The following STXBP5L variants were observed in gnomAD, a reference collection of about 807,000 sequenced individuals.
STXBP5L encodes syntaxin-binding protein 5-like.
A neutral mutation model predicts 144.5 loss-of-function variants in STXBP5L; 65 were observed. The observed-to-expected ratio is 0.45, with a 90% CI of 0.37 to 0.55. STXBP5L has a LOEUF of 0.55. Ranked by LOEUF, STXBP5L falls within the 20% of genes least tolerant of loss-of-function variation. The probability of loss-of-function intolerance (pLI) is 0.00; values close to 1 mark genes in which losing one functional copy is unlikely to be tolerated. For synonymous variants in STXBP5L, 505 were observed against 469.6 expected (o/e 1.08, Z -0.97); for missense variants, 1,298 against 1,405.5 (o/e 0.92, Z 1.22).
intron 22 of STXBP5L, among the ~76,000 whole-genome samples, chr3:121,395,513 A>AT (rs1408329958): frequency 6.6e-6 from 1 of 152,176 alleles, no homozygotes; most frequent in African/African-American, 2.4e-5. Context: ...GTCAGGTTCC[A>AT]TTTTGTTTAC....
rs193059538 is a variant in STXBP5L at position 121,011,781 on chromosome 3, G to A, written c.288-29919G>A. On this transcript the variant is annotated intron_variant, in intron 3 of 26. Coordinates refer to ENST00000471454, the MANE Select transcript of STXBP5L (RefSeq NM_001308330.2). ...GTTATATCTTTTTTTTTGTTTTGTT[G>A]TTAAACTTTTTAAGCTGCTTTATTG... Among the ~76,000 whole-genome samples, 643 of 150,454 alleles carry A rather than the reference G, an allele frequency of 4.3e-3. 4 individuals are homozygous for A. Among genetic ancestry groups the A allele is most frequent in the African/African-American group, 0.015 (613 of 41,034 alleles).
chr3:121,199,649 A>G (rs1319650569), intron 9 of STXBP5L, among the ~76,000 whole-genome samples: 1 of 152,160 alleles, frequency 6.6e-6, no homozygotes, highest in Non-Finnish European at 1.5e-5. Flanking sequence ...ATTTTTACAT[A>G]TCTTCTATCA....
intron 19 of STXBP5L, among the ~76,000 whole-genome samples, chr3:121,307,673 A>T (rs529264458): frequency 2.0e-5 from 3 of 152,264 alleles, no homozygotes; most frequent in East Asian, 3.9e-4. Flanking sequence ...TCTCAGAGAA[A>T]CATGGGACAC....
At chr3:121,032,205 C>T (rs1946417642) in intron 3 of STXBP5L, among the ~76,000 whole-genome samples, 2 of 147,270 alleles carry the variant, frequency 1.4e-5, no homozygotes, top group Admixed American at 6.8e-5. Context: ...AATATATAAG[C>T]AGTAGAGAAA....
At chr3:120,992,513 T>G (rs938555620) in intron 3 of STXBP5L, among the ~76,000 whole-genome samples, 1 of 151,868 alleles carries the variant, frequency 6.6e-6, no homozygotes, top group African/African-American at 2.4e-5. Context: ...ATGAGATCAA[T>G]TTTTTTTATC....
intron 7 of STXBP5L, among the ~76,000 whole-genome samples, chr3:121,151,042 G>C (rs2045914494): frequency 6.6e-6 from 1 of 151,884 alleles, no homozygotes; most frequent in Non-Finnish European, 1.5e-5. Context: ...AGCAGAGATT[G>C]TGCCACTGCA....
At chr3:120,965,037 G>T (rs934743055) in intron 3 of STXBP5L, among the ~76,000 whole-genome samples, 9 of 152,022 alleles carry the variant, frequency 5.9e-5, no homozygotes, top group Admixed American at 3.3e-4. Context: ...GGCCTTCTTT[G>T]TCTCTTTTGA....
intron 4 of STXBP5L, among the ~76,000 whole-genome samples, 194 bp downstream of exon 4, chr3:121,041,975 G>T (rs1190300429): frequency 6.6e-6 from 1 of 151,986 alleles, no homozygotes; most frequent in Non-Finnish European, 1.5e-5. Context: ...AAAAAAGATT[G>T]TATATGCCAT....
At chr3:121,320,350 A>G (rs2043928866) in intron 20 of STXBP5L, among the ~76,000 whole-genome samples, 1 of 152,106 alleles carries the variant, frequency 6.6e-6, no homozygotes. Context: ...TTGAGCTTGC[A>G]TCCAGGAAAC....
At chr3:121,017,066 A>G (rs1333145730) in intron 3 of STXBP5L, among the ~76,000 whole-genome samples, 2 of 152,212 alleles carry the variant, frequency 1.3e-5, no homozygotes, top group East Asian at 3.8e-4. Context: ...AAATCCAACA[A>G]TGTACAAAAA....
chr3:121,096,611 G>T (rs2043143403), intron 5 of STXBP5L, among the ~76,000 whole-genome samples: 1 of 152,060 alleles, frequency 6.6e-6, no homozygotes, highest in Admixed American at 6.5e-5. Context: ...CTGCAGGTTG[G>T]CTGGAGTTTG....
chr3:121,317,588 T>C (rs1322458083), intron 19 of STXBP5L, among the ~76,000 whole-genome samples: 2 of 152,134 alleles, frequency 1.3e-5, no homozygotes, highest in South Asian at 2.1e-4. Context: ...TGGAGACAGA[T>C]TAAAATAGAA....
rs368474417 is a variant in STXBP5L at position 121,046,781 on chromosome 3, A to C, written c.470+1246A>C. Among the ~76,000 whole-genome samples, 8 of 151,794 alleles carry C rather than the reference A, an allele frequency of 5.3e-5. No homozygotes were observed. In the East Asian group the frequency reaches 1.4e-3, roughly 26 times the overall value. ...TTATTAGCCTAGCTAGTGGTCTATC[A>C]TATTTCTTATGTCAAAAAACCAACT... On this transcript the variant is annotated intron_variant, in intron 5 of 26. Transcript: ENST00000471454.
chr3:121,166,521 C>A (rs556069086), intron 9 of STXBP5L, among the ~76,000 whole-genome samples: 1 of 152,148 alleles, frequency 6.6e-6, no homozygotes, highest in Non-Finnish European at 1.5e-5. Flanking sequence ...ATTTGCAAAT[C>A]TAATAATCTT....
At chr3:121,138,653 T>C (rs2045363773) in intron 7 of STXBP5L, among the ~76,000 whole-genome samples, 1 of 152,038 alleles carries the variant, frequency 6.6e-6, no homozygotes, top group South Asian at 2.1e-4. Context: ...AAGCTTGCAA[T>C]AAAGAAAGGA....
intron 10 of STXBP5L, among the ~76,000 whole-genome samples, chr3:121,217,177 C>T (rs1221160525): frequency 1.3e-5 from 2 of 152,132 alleles, no homozygotes; most frequent in African/African-American, 4.8e-5. Flanking sequence ...AGCCCCCTTT[C>T]CTGGGAAGTG....
At chr3:121,075,119 T>G (rs1310159717) in intron 5 of STXBP5L, among the ~76,000 whole-genome samples, 1 of 152,130 alleles carries the variant, frequency 6.6e-6, no homozygotes, top group Non-Finnish European at 1.5e-5. Flanking sequence ...TTCCTGCCAC[T>G]CTGATTAAAT....
chr3:121,284,299 G>C (rs998676555), intron 19 of STXBP5L, among the ~76,000 whole-genome samples: 1 of 151,586 alleles, frequency 6.6e-6, no homozygotes, highest in Non-Finnish European at 1.5e-5. Context: ...CTACCATTAT[G>C]TTTTACTCAT....
intron 4 of STXBP5L, among the ~76,000 whole-genome samples, chr3:121,044,523 T>A (rs1227831671): frequency 6.6e-6 from 1 of 152,126 alleles, no homozygotes; most frequent in Non-Finnish European, 1.5e-5. Flanking sequence ...TAAAAAGCCT[T>A]TTAGGTATCT....
Sources: gnomAD v4.1 joint callset for allele counts (sites outside exome capture counted in the v4.1 genomes callset) on GRCh38, gnomAD v4.1.1 for gene constraint, MANE v1.5 for transcripts, NCBI Gene and HGNC (gene_info 2026-07-23, HGNC 2026-07-21) for gene names.